Variants in SPIDR observed in about 807,000 individuals in gnomAD.
SPIDR encodes scaffold protein involved in DNA repair.
Under a neutral mutation model 104.6 loss-of-function variants are expected in SPIDR, and 93 were observed. The observed-to-expected ratio is 0.89, with a 90% confidence interval of 0.75 to 1.06. The LOEUF (loss-of-function observed/expected upper bound fraction) is 1.06, where lower values mean the gene tolerates loss of function less well. Among genes scored for constraint, SPIDR ranks in the 50% least tolerant of loss-of-function variants. The pLI, the probability that SPIDR is intolerant of heterozygous loss-of-function variation, is 0.00. For synonymous variants in SPIDR, 431 were observed against 416.9 expected, an observed-to-expected ratio of 1.03 and a Z score of -0.41; for missense variants, 1,154 against 1,111.2, an observed-to-expected ratio of 1.04 and a Z score of -0.55.
At chr8:47,439,072 T>A (rs1277704961) in intron 7 of SPIDR, among the ~76,000 whole-genome samples, 1 of 152,200 alleles carries the variant, frequency 6.6e-6, no homozygotes, top group Non-Finnish European at 1.5e-5. Flanking sequence ...TTATTTTTTT[T>A]AATTAAAAAG....
intron 10 of SPIDR, among the ~76,000 whole-genome samples, chr8:47,659,294 C>A (rs1024965353): frequency 6.6e-6 from 1 of 152,084 alleles, no homozygotes; most frequent in Non-Finnish European, 1.5e-5. Context: ...TTTCCCTCTT[C>A]TTTTGGTTGT....
chr8:47,660,369 T>G (rs1289941995), intron 10 of SPIDR: 1 of 764,556 alleles, frequency 1.3e-6, no homozygotes, highest in African/African-American at 1.9e-5. Flanking sequence ...TGTATTATTT[T>G]ATGTTGCTGG....
intron 5 of SPIDR, among the ~76,000 whole-genome samples, chr8:47,327,414 CAG>C (rs1183998381): frequency 7.5e-6 from 1 of 133,068 alleles, no homozygotes; most frequent in African/African-American, 2.8e-5. Context: ...TTTTTTGAGA[CAG>C]GGTTTTAATT....
chr8:47,402,686 G>A (rs1022834207), intron 6 of SPIDR, among the ~76,000 whole-genome samples: 15 of 150,536 alleles, frequency 1.0e-4, no homozygotes, highest in African/African-American at 3.4e-4. Flanking sequence ...ACCAATAACA[G>A]GTTCTGAAAA....
intron 8 of SPIDR, among the ~76,000 whole-genome samples, chr8:47,512,903 T>C (rs1470758967): frequency 6.6e-6 from 1 of 152,230 alleles, no homozygotes; most frequent in African/African-American, 2.4e-5. Context: ...TTACTGAACT[T>C]AAGTCTTGAA....
intron 10 of SPIDR, among the ~76,000 whole-genome samples, chr8:47,647,647 A>AGAGAGAGG (rs796770011): frequency 6.9e-6 from 1 of 144,658 alleles, no homozygotes; most frequent in East Asian, 2.0e-4. Flanking sequence ...AGAGAGAGAG[A>AGAGAGAGG]GAGAGAGGGA....
intron 4 of SPIDR, among the ~76,000 whole-genome samples, chr8:47,292,540 C>T (rs1437489866): frequency 5.3e-5 from 8 of 152,134 alleles, no homozygotes; most frequent in Non-Finnish European, 1.2e-4. Context: ...TGAGCTGTCG[C>T]GCCCAGCCTC....
rs371652554 is a variant in SPIDR, at chr8:47,497,986, T to G, written c.1097+57444T>G. ...TCGTTGCTGAAAGAAGGCATGCATT[T>G]GCACAGCAGAGTTATTTAGAGGTAC... On this transcript the variant is annotated intron_variant, in intron 8 of 19. Transcript: ENST00000297423. 3.3e-5 allele frequency among the ~76,000 whole-genome samples: 5 copies of G among 152,328 alleles called. No individual in the cohort carries two copies. The South Asian group carries it at 6.2e-4, about 19-fold the overall frequency.
chr8:47,644,041 A>T (rs1260997012), intron 10 of SPIDR, among the ~76,000 whole-genome samples: 2 of 152,134 alleles, frequency 1.3e-5, no homozygotes, highest in South Asian at 2.1e-4. Flanking sequence ...TACGGGCTGT[A>T]CCCTCAGTCT....
At chr8:47,401,153 G>C (rs558691895) in intron 6 of SPIDR, among the ~76,000 whole-genome samples, 56 of 152,288 alleles carry the variant, frequency 3.7e-4, no homozygotes, top group African/African-American at 1.1e-3. Context: ...AGACACTCTA[G>C]AAGCCAGAAT....
intron 5 of SPIDR, among the ~76,000 whole-genome samples, chr8:47,382,390 G>A (rs1274463748): frequency 8.5e-5 from 13 of 152,140 alleles, no homozygotes; most frequent in African/African-American, 4.8e-5. Flanking sequence ...ATAAAGCATT[G>A]TGCTAATTAA....
intron 8 of SPIDR, among the ~76,000 whole-genome samples, chr8:47,515,628 C>T (rs941638340): frequency 6.6e-6 from 1 of 152,182 alleles, no homozygotes; most frequent in Non-Finnish European, 1.5e-5. Flanking sequence ...TATTTTGTCT[C>T]TCATTCCCAG....
intron 6 of SPIDR, among the ~76,000 whole-genome samples, chr8:47,402,136 C>G (rs915929524): frequency 6.6e-6 from 1 of 152,194 alleles, no homozygotes; most frequent in Non-Finnish European, 1.5e-5. Context: ...CAAAATGTCT[C>G]TGAGACCACA....
intron 7 of SPIDR, among the ~76,000 whole-genome samples, chr8:47,427,848 G>A (rs1167494810): frequency 6.6e-6 from 1 of 152,214 alleles, no homozygotes. Context: ...CTGAGATGGG[G>A]TTGTGGTCCA....
intron 8 of SPIDR, among the ~76,000 whole-genome samples, chr8:47,461,489 T>G (rs895856850): frequency 2.0e-5 from 3 of 152,204 alleles, no homozygotes; most frequent in South Asian, 2.1e-4. Flanking sequence ...TTTTTGTATT[T>G]CTAGTAGAGA....
Position 47,633,611 on chromosome 8 carries a change from A to G in SPIDR, c.1544+34415A>G, listed in dbSNP as rs151006127. On this transcript the variant is annotated intron_variant, in intron 10 of 19. Coordinates refer to ENST00000297423, the MANE Select transcript of SPIDR (RefSeq NM_001080394.4). ...ATGGTGGCTTTGGGAGGCCAGGGCA[A>G]GAGGATTGCTTGAGGTAAGGAGTTC... Among the ~76,000 whole-genome samples the G allele has an allele frequency of 3.3e-5, 5 of 150,750 alleles. No homozygotes were observed. The East Asian group carries it at 9.8e-4, about 30-fold the overall frequency.
At chr8:47,445,243 AT>A (rs1394422278) in intron 8 of SPIDR, among the ~76,000 whole-genome samples, 2 of 152,218 alleles carry the variant, frequency 1.3e-5, no homozygotes, top group African/African-American at 4.8e-5. Flanking sequence ...ACCTGTCTCT[AT>A]ATCACATTTG....
At chr8:47,693,830 CTCT>C (rs1328361262) in intron 11 of SPIDR, among the ~76,000 whole-genome samples, 2 of 152,214 alleles carry the variant, frequency 1.3e-5, no homozygotes, top group South Asian at 2.1e-4. Context: ...CAGGAATTGC[CTCT>C]TCAAGACTGC....
intron 16 of SPIDR, among the ~76,000 whole-genome samples, chr8:47,722,792 T>C (rs1407642276): frequency 1.3e-5 from 2 of 152,246 alleles, no homozygotes; most frequent in South Asian, 2.1e-4. Context: ...CTTTTTTTTT[T>C]TCTTGAGATG....
Sources: gnomAD v4.1 joint callset for allele counts (sites outside exome capture counted in the v4.1 genomes callset) on GRCh38, gnomAD v4.1.1 for gene constraint, MANE v1.5 for transcripts, NCBI Gene and HGNC (gene_info 2026-07-23, HGNC 2026-07-21) for gene names.